DMD: variants seen among roughly 807,000 people sequenced by gnomAD.
DMD encodes mutant dystrophin.
DMD carries 63 observed loss-of-function variants against 330.1 expected under a neutral mutation model. The ratio of observed to expected loss-of-function variants is 0.19; its 90% confidence interval spans 0.16 to 0.24. DMD has a LOEUF of 0.24. Ranked by LOEUF, DMD falls within the 10% of genes least tolerant of loss-of-function variation. The pLI is 1.00. For missense variants in DMD, 3,344 were observed against 2,684.1 expected, an observed-to-expected ratio of 1.25 and a Z score of -5.43; for synonymous variants, 1,223 against 959.8, an observed-to-expected ratio of 1.27 and a Z score of -5.07.
Position 31,120,866 on chromosome X carries a change from T to TATCAATCAATCAATCA in DMD, c.*1037_*1052dup, listed in dbSNP as rs71860126. 1.1e-3 allele frequency: 119 copies of TATCAATCAATCAATCA among 108,136 alleles called. 1 individual carries two copies. The highest frequency in any genetic ancestry group is 3.9e-3 in the African/African-American group (109 of 27,994). The allele number at this position is 108,136 out of a possible 1,213,427, so 8.9% of individuals were successfully genotyped here. On this transcript the variant is annotated 3_prime_UTR_variant, in exon 79 of 79. Transcript: ENST00000357033. ...ATTGCTAGCAGCAGGAAGCTGAATG[T>TATCAATCAATCAATCA]ATCAATCAATCAATCAATCAACCAA...
intron 57 of DMD, among the ~76,000 whole-genome samples, chrX:31,483,337 C>G (rs775093818): frequency 9.0e-6 from 1 of 111,697 alleles, no homozygotes; most frequent in Non-Finnish European, 1.9e-5. Context: ...TGAGCCACCA[C>G]GCCCGGCCGG....
intron 2 of DMD, among the ~76,000 whole-genome samples, chrX:32,893,501 G>C (rs755043624): frequency 8.3e-4 from 93 of 111,807 alleles, no homozygotes; most frequent in Non-Finnish European, 1.4e-3. Flanking sequence ...CTCAGGATGT[G>C]AAAGTGACCG....
At chrX:32,330,416 T>C (rs376419896) in intron 41 of DMD, among the ~76,000 whole-genome samples, 37 of 111,981 alleles carry the variant, frequency 3.3e-4, no homozygotes, top group Admixed American at 9.5e-4. Flanking sequence ...TAAGTAATCA[T>C]TGAAGAATCA....
chrX:32,976,219 CA>C (rs34752504), intron 2 of DMD, among the ~76,000 whole-genome samples: 1 of 97,105 alleles, frequency 1.0e-5, no homozygotes, highest in African/African-American at 3.8e-5. Context: ...AGACTCGTCT[CA>C]AAAAAAAAAA....
At chrX:32,356,958 C>T (rs1425575918) in intron 37 of DMD, among the ~76,000 whole-genome samples, 2 of 111,195 alleles carry the variant, frequency 1.8e-5, no homozygotes, top group East Asian at 2.8e-4. Flanking sequence ...GGTGCGATCT[C>T]GGCTCACTGC....
intron 44 of DMD, among the ~76,000 whole-genome samples, chrX:32,167,914 T>C (rs909176978): frequency 8.9e-6 from 1 of 112,483 alleles, no homozygotes; most frequent in Non-Finnish European, 1.9e-5. Flanking sequence ...TATGTAGCAT[T>C]TTTTGGTTGG....
At chrX:32,701,338 C>A (rs1296634549) in intron 7 of DMD, among the ~76,000 whole-genome samples, 1 of 111,950 alleles carries the variant, frequency 8.9e-6, no homozygotes, top group Non-Finnish European at 1.9e-5. Context: ...TATGGCTCAA[C>A]TTATTACACT....
chrX:31,362,806 C>T (rs764146331), intron 60 of DMD, among the ~76,000 whole-genome samples: 3 of 112,119 alleles, frequency 2.7e-5, no homozygotes, highest in South Asian at 3.7e-4. Flanking sequence ...TTAAATTAGC[C>T]GGGCATGGTG....
chrX:31,293,891 C>T (rs1305553773), intron 62 of DMD, among the ~76,000 whole-genome samples: 1 of 111,612 alleles, frequency 9.0e-6, no homozygotes, highest in African/African-American at 3.3e-5. Context: ...TGTGGTGGCT[C>T]ACGCCTGTAA....
rs967333764 is a variant in DMD, at chrX:31,980,454, A to C, written c.6439-11940T>G. ...CATTTTGTATGATTTCATTTATACA[A>C]ATTTTTAAAAAGACAAAACTAATCT... is the stretch of plus-strand genomic sequence containing the variant. On this transcript the variant is annotated intron_variant, in intron 44 of 78. Coordinates refer to ENST00000357033, the MANE Select transcript of DMD (RefSeq NM_004006.3). 3.6e-5 allele frequency among the ~76,000 whole-genome samples: 4 copies of C among 112,189 alleles called. No homozygotes were observed. The Admixed American group carries it at 3.8e-4, about 11-fold the overall frequency.
chrX:32,207,615 T>C lies in DMD; in HGVS notation c.6438+9301A>G, dbSNP rs140437889. 8.3e-3 allele frequency among the ~76,000 whole-genome samples: 931 copies of C among 112,071 alleles called. 5 individuals carry two copies. The highest frequency in any genetic ancestry group is 0.028 in the African/African-American group (867 of 30,914). On this transcript the variant is annotated intron_variant, in intron 44 of 78. Transcript: ENST00000357033. Reference sequence around the variant, plus strand: ...CAGTTCAGCCACTCTTCAATGAAATTATCTTGCGTGGTCATGTACTCGTTA... The same window carrying C: ...CAGTTCAGCCACTCTTCAATGAAATCATCTTGCGTGGTCATGTACTCGTTA...
chrX:33,313,260 C>A (rs1434468183), intron 1 of DMD, among the ~76,000 whole-genome samples: 3 of 111,959 alleles, frequency 2.7e-5, no homozygotes, highest in Non-Finnish European at 5.6e-5. Flanking sequence ...TGATTAGGCC[C>A]TTTTTATAAA....
chrX:32,518,509 A>G (rs985377148), intron 17 of DMD, among the ~76,000 whole-genome samples: 14 of 110,763 alleles, frequency 1.3e-4, no homozygotes, highest in African/African-American at 4.3e-4. Context: ...GGTGGTCACC[A>G]TTGAAACACA....
intron 1 of DMD, among the ~76,000 whole-genome samples, chrX:33,102,169 CT>C (rs1204383582): frequency 9.0e-6 from 1 of 111,723 alleles, no homozygotes; most frequent in Non-Finnish European, 1.9e-5. Flanking sequence ...AGACATTCTT[CT>C]CTTTGAAATA....
chrX:31,280,343 C>T (rs1170513704), intron 62 of DMD, among the ~76,000 whole-genome samples: 1 of 111,935 alleles, frequency 8.9e-6, no homozygotes, highest in Non-Finnish European at 1.9e-5. Flanking sequence ...AGACCAGATA[C>T]ATACAAAAAT....
intron 17 of DMD, among the ~76,000 whole-genome samples, chrX:32,528,075 G>A (rs1603635558): frequency 8.9e-6 from 1 of 112,095 alleles, no homozygotes; most frequent in Non-Finnish European, 1.9e-5. Context: ...TTGAGAGGCC[G>A]AGGCGGGCAG....
At chrX:32,393,057 T>A (rs928719564) in intron 30 of DMD, among the ~76,000 whole-genome samples, 2 of 112,389 alleles carry the variant, frequency 1.8e-5, no homozygotes, top group African/African-American at 6.5e-5. Context: ...TTAGTGGGAA[T>A]AATAAATGGC....
At chrX:31,900,555 C>T (rs1288562185) in intron 47 of DMD, among the ~76,000 whole-genome samples, 2 of 111,355 alleles carry the variant, frequency 1.8e-5, no homozygotes, top group African/African-American at 6.5e-5. Context: ...TGCCCAGTCT[C>T]GGGTATGTCT....
At chrX:32,260,627 T>G (rs2097318095) in intron 43 of DMD, among the ~76,000 whole-genome samples, 2 of 111,886 alleles carry the variant, frequency 1.8e-5, no homozygotes, top group Admixed American at 1.9e-4. Context: ...TGAAGCATTT[T>G]AATGACAGCA....
Sources: gnomAD v4.1 joint callset for allele counts (sites outside exome capture counted in the v4.1 genomes callset) on GRCh38, gnomAD v4.1.1 for gene constraint, MANE v1.5 for transcripts, NCBI Gene and HGNC (gene_info 2026-07-23, HGNC 2026-07-21) for gene names.